The following SH3PXD2A variants were observed in gnomAD, a reference collection of about 807,000 sequenced individuals.
SH3PXD2A encodes SH3 and PX domain-containing protein 2A.
In SH3PXD2A, 32 loss-of-function variants were observed where a neutral mutation model predicts 115.2. The ratio of observed to expected loss-of-function variants is 0.28; its 90% CI spans 0.21 to 0.37. SH3PXD2A has a LOEUF of 0.37. Among genes scored for constraint, SH3PXD2A ranks in the 10% least tolerant of loss-of-function variants. SH3PXD2A has a pLI of 1.00. For synonymous variants in SH3PXD2A, 610 were observed against 629.1 expected, an observed-to-expected ratio of 0.97 and a Z score of 0.45; for missense variants, 1,328 against 1,498.7, an observed-to-expected ratio of 0.89 and a Z score of 1.88.
intron 1 of SH3PXD2A, among the ~76,000 whole-genome samples, chr10:103,825,087 C>A (rs2039416962): frequency 1.3e-5 from 2 of 152,234 alleles, no homozygotes. Context: ...TGTGCCCAGC[C>A]TCTCTCTAAA....
chr10:103,627,623 T>G lies in SH3PXD2A; in HGVS notation c.605-421A>C, dbSNP rs1273730555. ...CTTCTCAGCTTTCAAGCTAAGTGCC[T>G]CACAGACAGTCTCTAACGGTCAACG... On this transcript the variant is annotated intron_variant, in intron 8 of 14. Coordinates refer to ENST00000369774, the MANE Select transcript of SH3PXD2A (RefSeq NM_001394015.1). This position sits in a 1 kb window ranked among gnomAD's most constrained non-coding sequence, Gnocchi z 4.4. Among the ~76,000 whole-genome samples, 1 of 152,206 alleles carries G rather than the reference T, an allele frequency of 6.6e-6. No homozygotes were observed. The highest frequency in any genetic ancestry group is 2.4e-5 in the African/African-American group (1 of 41,468).
At chr10:103,699,846 C>A (rs2037870818) in intron 5 of SH3PXD2A, among the ~76,000 whole-genome samples, 1 of 152,160 alleles carries the variant, frequency 6.6e-6, no homozygotes, top group Non-Finnish European at 1.5e-5. Context: ...TGAGAATGGA[C>A]CCCATTGTGA....
chr10:103,611,459 C>T (rs2036427336), intron 13 of SH3PXD2A, 122 bp downstream of exon 13: 2 of 914,144 alleles, frequency 2.2e-6, no homozygotes, highest in Non-Finnish European at 3.6e-6. Flanking sequence ...CTAGAAGCCC[C>T]AGCAGGGCTC....
rs926421072 is a variant in SH3PXD2A at position 103,594,240 on chromosome 10, T to G, written c.*7576A>C. The stretch of plus-strand genomic sequence containing the variant: ...TCCCTTCCCCAAGGGCACTGCATTT[T>G]TGTGATGAGATTAAAAACAAACCAA... On this transcript the variant is annotated 3_prime_UTR_variant, in exon 15 of 15. Coordinates refer to ENST00000369774, the MANE Select transcript of SH3PXD2A (RefSeq NM_001394015.1). 4.6e-5 allele frequency: 7 copies of G among 152,624 alleles called. No homozygotes were observed. Among genetic ancestry groups the G allele is most frequent in the Non-Finnish European group, 7.3e-5 (5 of 68,038 alleles). The allele number at this position is 152,624 out of a possible 1,614,324, so 9.5% of individuals were successfully genotyped here. A position where few individuals can be genotyped will look rare whatever the true frequency, so the allele number is the denominator to read the frequency against.
chr10:103,612,933 C>T lies in SH3PXD2A; in HGVS notation c.1178G>A (p.Gly393Asp), dbSNP rs1448548703. The change falls in exon 12 of 15, where the codon GGC (glycine) becomes GAC (aspartate). Residue 393 changes from glycine (G) to aspartate (D), a missense_variant. Transcript: ENST00000369774. ...CCTGGAGACAGTCCTGTCAGGAACG[C>T]CCACGGCACTGCCATTGGAGGCATT... is the stretch of plus-strand genomic sequence containing the variant. ...LCNASNGSAVGVPDRTVSRLA... is the reference protein window; with the variant it reads ...LCNASNGSAVDVPDRTVSRLA... The T allele has an allele frequency of 1.9e-6, 3 of 1,613,748 alleles. No individual in the cohort carries two copies. The highest frequency in any genetic ancestry group is 1.7e-6 in the Non-Finnish European group (2 of 1,179,880).
At chr10:103,750,909 C>T (rs1279697005) in intron 3 of SH3PXD2A, among the ~76,000 whole-genome samples, 6 of 152,210 alleles carry the variant, frequency 3.9e-5, no homozygotes, top group Non-Finnish European at 8.8e-5. Context: ...CAGCACTACC[C>T]ACAATGAGGG....
intron 5 of SH3PXD2A, among the ~76,000 whole-genome samples, chr10:103,705,479 T>A (rs1025206727): frequency 2.2e-4 from 34 of 152,326 alleles, no homozygotes; most frequent in Admixed American, 1.2e-3. Context: ...ACTAAACCCT[T>A]GACACACATC....
At chr10:103,705,645 G>C (rs1287083230) in intron 5 of SH3PXD2A, among the ~76,000 whole-genome samples, 1 of 152,178 alleles carries the variant, frequency 6.6e-6, no homozygotes, top group African/African-American at 2.4e-5. Context: ...ACCTGGCTCA[G>C]TCTAGTGCTC....
At chr10:103,718,008 C>CTTT (rs34054940) in intron 5 of SH3PXD2A, among the ~76,000 whole-genome samples, 194 of 143,528 alleles carry the variant, frequency 1.4e-3, no homozygotes, top group East Asian at 9.1e-3. Flanking sequence ...TTCCATGTGT[C>CTTT]TTTTTTTTTT....
intron 1 of SH3PXD2A, among the ~76,000 whole-genome samples, chr10:103,816,547 C>T (rs752161193): frequency 2.0e-5 from 3 of 152,040 alleles, no homozygotes; most frequent in African/African-American, 4.8e-5. Context: ...CTGCATACAC[C>T]GTGGGTAGGA....
At chr10:103,617,066 A>C in intron 11 of SH3PXD2A, 131 bp downstream of exon 11, 1 of 688,484 alleles carries the variant, frequency 1.5e-6, no homozygotes, top group Non-Finnish European at 2.6e-6. Context: ...GAGGTGCAGC[A>C]GCCCAGCCCT....
At chr10:103,769,172 GTGTGTGT>G in intron 2 of SH3PXD2A, among the ~76,000 whole-genome samples, 1 of 148,536 alleles carries the variant, frequency 6.7e-6, no homozygotes, top group East Asian at 2.0e-4. Context: ...GTGTGTGTGT[GTGTGTGT>G]GTGCGCGCGC....
chr10:103,735,922 C>A, intron 3 of SH3PXD2A, 114 bp from the exon 4 acceptor site: 7 of 829,594 alleles, frequency 8.4e-6, no homozygotes, highest in Non-Finnish European at 1.5e-5. Context: ...CCTGCCACCA[C>A]CCCGTCCACG....
Position 103,756,172 on chromosome 10 carries a change from C to T in SH3PXD2A, c.229+10922G>A, listed in dbSNP as rs2038638238. The stretch of plus-strand genomic sequence containing the variant: ...AGGGGGAGGAGGTATTTTCAGCGCC[C>T]AGAACGATGGATCTGCTGGGTGCCA... On this transcript the variant is annotated intron_variant, in intron 3 of 14. Transcript: ENST00000369774. The surrounding 1 kb of genome is among the most constrained non-coding windows in gnomAD (Gnocchi z 4.4). 6.6e-6 allele frequency among the ~76,000 whole-genome samples: 1 copy of T among 152,120 alleles called. No homozygotes were observed. The highest frequency in any genetic ancestry group is 6.5e-5 in the Admixed American group (1 of 15,270).
intron 3 of SH3PXD2A, among the ~76,000 whole-genome samples, chr10:103,739,502 A>T (rs2038419848): frequency 6.6e-6 from 1 of 152,052 alleles, no homozygotes; most frequent in African/African-American, 2.4e-5. Context: ...TCCGGTCTTG[A>T]CTTCTCTGTT....
At chr10:103,726,357 T>C (rs1052745838) in intron 4 of SH3PXD2A, among the ~76,000 whole-genome samples, 5 of 151,856 alleles carry the variant, frequency 3.3e-5, no homozygotes, top group African/African-American at 1.2e-4. Flanking sequence ...CTCATGAGGG[T>C]CGTCCTCATG....
chr10:103,692,937 C>A, intron 6 of SH3PXD2A, 91 bp downstream of exon 6: 1 of 926,712 alleles, frequency 1.1e-6, no homozygotes, highest in South Asian at 1.4e-5. Context: ...CCCCCCCTCC[C>A]CGCCCCCAAG....
chr10:103,694,289 G>T (rs968341335), intron 5 of SH3PXD2A, among the ~76,000 whole-genome samples: 1 of 152,090 alleles, frequency 6.6e-6, no homozygotes, highest in African/African-American at 2.4e-5. Flanking sequence ...TGGGGGTTTG[G>T]GGGGATGCGG....
intron 1 of SH3PXD2A, among the ~76,000 whole-genome samples, chr10:103,841,374 G>A (rs551435748): frequency 6.6e-6 from 1 of 152,308 alleles, no homozygotes; most frequent in African/African-American, 2.4e-5. Context: ...TTCAGCCAGT[G>A]AAGCTTCCTG....
Sources: allele counts gnomAD v4.1 joint callset (sites outside exome capture counted in the v4.1 genomes callset), GRCh38; gene constraint gnomAD v4.1.1; non-coding constraint Gnocchi (gnomAD v3.1); transcripts MANE v1.5; gene names NCBI Gene and HGNC (gene_info 2026-07-23, HGNC 2026-07-21).